ARHGAP42: variants seen among roughly 807,000 people sequenced by gnomAD.
ARHGAP42 encodes Rho GTPase activating protein 42.
In ARHGAP42, 63 loss-of-function variants were observed where a neutral mutation model predicts 125.0. The observed-to-expected ratio is 0.50, with a 90% CI of 0.41 to 0.62. ARHGAP42 has a LOEUF of 0.62. Ranked by LOEUF, ARHGAP42 falls within the 20% of genes least tolerant of loss-of-function variation. The pLI is 0.00. For synonymous variants in ARHGAP42, 339 were observed against 351.0 expected, an observed-to-expected ratio of 0.97 and a Z score of 0.38; for missense variants, 766 against 1,024.2, an observed-to-expected ratio of 0.75 and a Z score of 3.44.
At chr11:100,972,646 A>G (rs1858280618) in intron 17 of ARHGAP42, among the ~76,000 whole-genome samples, 1 of 152,188 alleles carries the variant, frequency 6.6e-6, no homozygotes, top group African/African-American at 2.4e-5. Context: ...GAATTGAAAC[A>G]GCCACCTCTG....
intron 4 of ARHGAP42, among the ~76,000 whole-genome samples, chr11:100,861,382 A>G (rs951241571): frequency 1.3e-5 from 2 of 152,182 alleles, no homozygotes; most frequent in African/African-American, 4.8e-5. Flanking sequence ...TCCCTAGCCT[A>G]AGGGCAGTGA....
intron 1 of ARHGAP42, among the ~76,000 whole-genome samples, chr11:100,746,752 A>G (rs76126284): frequency 0.026 from 3,907 of 152,300 alleles, 65 homozygotes; most frequent in Non-Finnish European, 0.031. Flanking sequence ...TCTGCTCCTA[A>G]ACCATAGAAG....
chr11:100,830,301 C>T (rs1360679721), intron 3 of ARHGAP42, among the ~76,000 whole-genome samples: 2 of 152,176 alleles, frequency 1.3e-5, no homozygotes, highest in Non-Finnish European at 2.9e-5. Context: ...ATACCAATTT[C>T]ATAGTAGCAG....
chr11:100,790,253 A>G (rs779307233), intron 2 of ARHGAP42, among the ~76,000 whole-genome samples: 19 of 152,208 alleles, frequency 1.2e-4, no homozygotes, highest in Non-Finnish European at 1.5e-5. Context: ...AGCTGTCATC[A>G]TACTTCCTCA....
chr11:100,712,147 A>G (rs993345978), intron 1 of ARHGAP42, among the ~76,000 whole-genome samples: 1 of 152,148 alleles, frequency 6.6e-6, no homozygotes, highest in African/African-American at 2.4e-5. Flanking sequence ...TTTCGGGAAC[A>G]CACCTCTACC....
chr11:100,857,621 T>C (rs1865351004), intron 3 of ARHGAP42, among the ~76,000 whole-genome samples: 2 of 152,152 alleles, frequency 1.3e-5, no homozygotes, highest in Admixed American at 1.3e-4. Context: ...AATCATTGCC[T>C]TTGTTCTTTT....
At chr11:100,865,245 T>C (rs1865541617) in intron 4 of ARHGAP42, among the ~76,000 whole-genome samples, 1 of 152,196 alleles carries the variant, frequency 6.6e-6, no homozygotes, top group Admixed American at 6.5e-5. Context: ...TACATGCAGT[T>C]AATTAAGCAT....
In ARHGAP42 at chr11:100,993,443, ACTGGTCTAAG is replaced by A. The variant is rs1297233761; in HGVS notation, c.*4643_*4652del. 1.2e-5 allele frequency: 2 copies of A among 167,038 alleles called. No homozygotes were observed. Among genetic ancestry groups the A allele is most frequent in the Non-Finnish European group, 2.9e-5 (2 of 68,104 alleles). 10.3% of individuals were successfully genotyped at this position (167,038 alleles called of 1,614,324 possible). Reference sequence around the variant, plus strand: ...TTTGCAGAGAACGATCCCCACAGGAACTGGTCTAAGAACACTGTCTGCACATGATTGATGC... The same window carrying A: ...TTTGCAGAGAACGATCCCCACAGGAAAACACTGTCTGCACATGATTGATGC... On this transcript the variant is annotated 3_prime_UTR_variant, in exon 24 of 24. Transcript: ENST00000298815.
intron 17 of ARHGAP42, among the ~76,000 whole-genome samples, chr11:100,971,402 CT>C (rs1858243328): frequency 6.6e-6 from 1 of 152,106 alleles, no homozygotes; most frequent in Non-Finnish European, 1.5e-5. Flanking sequence ...TACATTTCCT[CT>C]TTTAATAAAA....
At chr11:100,737,232 TA>T (rs1395938460) in intron 1 of ARHGAP42, among the ~76,000 whole-genome samples, 1 of 152,218 alleles carries the variant, frequency 6.6e-6, no homozygotes, top group Non-Finnish European at 1.5e-5. Flanking sequence ...TTATAAATGA[TA>T]ATAACCTTAT....
chr11:100,967,726 T>C (rs1009698656), intron 17 of ARHGAP42, among the ~76,000 whole-genome samples: 6 of 151,734 alleles, frequency 4.0e-5, no homozygotes, highest in African/African-American at 1.4e-4. Flanking sequence ...ACCCTTTTCT[T>C]TTTTTTGAGA....
chr11:100,756,536 A>G (rs1862581854), intron 1 of ARHGAP42, among the ~76,000 whole-genome samples: 1 of 152,248 alleles, frequency 6.6e-6, no homozygotes, highest in Admixed American at 6.5e-5. Context: ...AAATGCTTAG[A>G]GAGTTGAAAA....
At chr11:100,904,640 C>A (rs1397445364) in intron 4 of ARHGAP42, among the ~76,000 whole-genome samples, 2 of 152,090 alleles carry the variant, frequency 1.3e-5, no homozygotes, top group Non-Finnish European at 2.9e-5. Context: ...TCAACTCCCA[C>A]CTGACCTCCC....
chr11:100,895,493 CTTTTT>C (rs55789058), intron 4 of ARHGAP42, among the ~76,000 whole-genome samples: 1 of 123,482 alleles, frequency 8.1e-6, no homozygotes, highest in Non-Finnish European at 1.7e-5. Flanking sequence ...AAAAGAGCAA[CTTTTT>C]TTTTTTTTTT....
chr11:100,912,264 C>T (rs1866942766), intron 4 of ARHGAP42, among the ~76,000 whole-genome samples: 1 of 152,132 alleles, frequency 6.6e-6, no homozygotes, highest in Admixed American at 6.6e-5. Flanking sequence ...TAATACTTCC[C>T]TCTCTCCTTC....
chr11:100,691,265 T>A (rs1406376869), intron 1 of ARHGAP42, among the ~76,000 whole-genome samples: 1 of 151,580 alleles, frequency 6.6e-6, no homozygotes, highest in Admixed American at 6.6e-5. Flanking sequence ...GTCTTAAAAT[T>A]TGAGCTGTGA....
chr11:100,812,094 C>A (rs546774707), intron 3 of ARHGAP42, among the ~76,000 whole-genome samples: 2 of 152,150 alleles, frequency 1.3e-5, no homozygotes, highest in Non-Finnish European at 2.9e-5. Flanking sequence ...AGCCACCGTG[C>A]CTGTCCCTCT....
chr11:100,883,344 GT>G (rs549830905), intron 4 of ARHGAP42, among the ~76,000 whole-genome samples: 1 of 152,026 alleles, frequency 6.6e-6, no homozygotes, highest in Non-Finnish European at 1.5e-5. Context: ...TGTTTGTTTT[GT>G]TTTTTATTTT....
intron 3 of ARHGAP42, among the ~76,000 whole-genome samples, chr11:100,805,647 A>C (rs1031268335): frequency 7.2e-5 from 11 of 152,328 alleles, no homozygotes; most frequent in Admixed American, 6.5e-4. Flanking sequence ...CTTCTTGATT[A>C]TATGCTAAAC....
Sources: allele counts gnomAD v4.1 joint callset (sites outside exome capture counted in the v4.1 genomes callset), GRCh38; gene constraint gnomAD v4.1.1; transcripts MANE v1.5; gene names NCBI Gene and HGNC (gene_info 2026-07-23, HGNC 2026-07-21).